Variants in NTM observed in about 807,000 individuals in gnomAD.
NTM encodes IgLON family member 2.
A neutral mutation model predicts 42.1 loss-of-function variants in NTM; 13 were observed. That is an observed-to-expected ratio of 0.31 (90% CI 0.20 to 0.49). The LOEUF is 0.49. Ranked by LOEUF, NTM falls within the 20% of genes least tolerant of loss-of-function variation. The pLI is 0.99. For missense variants in NTM, 373 were observed against 452.8 expected (o/e 0.82, Z 1.60); for synonymous variants, 187 against 179.2 (o/e 1.04, Z -0.35).
intron 1 of NTM, among the ~76,000 whole-genome samples, chr11:131,776,219 T>A (rs558926062): frequency 6.6e-6 from 1 of 152,360 alleles, no homozygotes; most frequent in East Asian, 1.9e-4. Flanking sequence ...CAAAGGCTTT[T>A]AAAGTCTTAT....
intron 2 of NTM, among the ~76,000 whole-genome samples, chr11:131,929,616 C>T (rs532608419): frequency 2.0e-5 from 3 of 152,226 alleles, no homozygotes; most frequent in South Asian, 2.1e-4. Context: ...CCCTGTGCCA[C>T]GTCCATTGTT....
At chr11:131,802,639 C>A (rs2092218305) in intron 1 of NTM, among the ~76,000 whole-genome samples, 1 of 152,186 alleles carries the variant, frequency 6.6e-6, no homozygotes. Flanking sequence ...AGCAGCTCTG[C>A]CCTTGTCTGT....
chr11:132,216,139 A>G (rs543480412), intron 4 of NTM, among the ~76,000 whole-genome samples: 1 of 152,354 alleles, frequency 6.6e-6, no homozygotes, highest in East Asian at 1.9e-4. Flanking sequence ...CCAATAGAAA[A>G]ACGTTCATGC....
Position 131,625,166 on chromosome 11 carries a change from C to T in NTM, c.82+254278C>T, listed in dbSNP as rs140674138. On this transcript the variant is annotated intron_variant, in intron 1 of 8. Transcript: ENST00000683400. ...GGAAACCACATCATTTAAAAAAATA[C>T]TCAAGCTCTATTTTAAGGGTGTAAA... 8.7e-3 allele frequency among the ~76,000 whole-genome samples: 1,331 copies of T among 152,256 alleles called. 6 individuals carry two copies. The highest frequency in any genetic ancestry group is 0.014 in the Non-Finnish European group (975 of 68,016).
At chr11:131,976,159 T>TTCCTTCCTTC (rs1565866210) in intron 2 of NTM, among the ~76,000 whole-genome samples, 18 of 43,008 alleles carry the variant, frequency 4.2e-4, no homozygotes, top group African/African-American at 1.4e-3. Context: ...TTCCTTCCTT[T>TTCCTTCCTTC]CTTCCTTCCT....
At chr11:131,973,135 C>A (rs2063797848) in intron 2 of NTM, among the ~76,000 whole-genome samples, 1 of 152,156 alleles carries the variant, frequency 6.6e-6, no homozygotes, top group African/African-American at 2.4e-5. Context: ...CTGCCTTTTT[C>A]CTCTGTTCCC....
intron 4 of NTM, among the ~76,000 whole-genome samples, chr11:132,257,421 T>C (rs1224329892): frequency 6.6e-6 from 1 of 152,144 alleles, no homozygotes; most frequent in Non-Finnish European, 1.5e-5. Context: ...AGTTACATGG[T>C]GCCACCAGAG....
chr11:132,321,370 C>T (rs1022039504), intron 7 of NTM, among the ~76,000 whole-genome samples: 47 of 152,004 alleles, frequency 3.1e-4, no homozygotes, highest in East Asian at 1.9e-3. Context: ...TCGAGAACTA[C>T]GTGAAGAATG....
chr11:131,953,632 T>G (rs2061256375), intron 2 of NTM, among the ~76,000 whole-genome samples: 1 of 152,224 alleles, frequency 6.6e-6, no homozygotes, highest in African/African-American at 2.4e-5. Context: ...TTGCTATTAC[T>G]GGCCTGGGCA....
At chr11:131,649,366 G>A (rs937943716) in intron 1 of NTM, among the ~76,000 whole-genome samples, 3 of 152,154 alleles carry the variant, frequency 2.0e-5, no homozygotes, top group Admixed American at 1.3e-4. Flanking sequence ...TATGCATATC[G>A]GGGAGGGAGT....
intron 1 of NTM, among the ~76,000 whole-genome samples, chr11:131,411,592 T>G (rs1025968850): frequency 7.2e-6 from 1 of 138,096 alleles, no homozygotes. Context: ...TGTGTGTACT[T>G]GAGAGCTGGG....
chr11:131,634,658 T>A (rs1011430379), intron 1 of NTM, among the ~76,000 whole-genome samples: 1 of 145,574 alleles, frequency 6.9e-6, no homozygotes, highest in Non-Finnish European at 1.5e-5. Context: ...GAAAAAAGAG[T>A]GAGCTTCTTT....
At chr11:131,989,895 A>G (rs758046278) in intron 2 of NTM, among the ~76,000 whole-genome samples, 26 of 152,236 alleles carry the variant, frequency 1.7e-4, no homozygotes, top group South Asian at 6.2e-4. Context: ...TGAGATTTCT[A>G]TTCCTTTTTC....
At chr11:131,838,962 C>CTTTT (rs552384739) in intron 1 of NTM, among the ~76,000 whole-genome samples, 3 of 137,096 alleles carry the variant, frequency 2.2e-5, no homozygotes, top group African/African-American at 8.1e-5. Flanking sequence ...AGTAAATAAT[C>CTTTT]TTTTTTTTTT....
At chr11:132,195,900 A>G (rs2080132447) in intron 3 of NTM, among the ~76,000 whole-genome samples, 1 of 152,192 alleles carries the variant, frequency 6.6e-6, no homozygotes, top group Non-Finnish European at 1.5e-5. Flanking sequence ...GCCTTGGCAA[A>G]TAATTTAGGA....
At chr11:132,090,400 G>A (rs2060242376) in intron 2 of NTM, among the ~76,000 whole-genome samples, 2 of 151,992 alleles carry the variant, frequency 1.3e-5, no homozygotes, top group African/African-American at 2.4e-5. Flanking sequence ...CAGACCTCCT[G>A]TACCCAGGGT....
intron 1 of NTM, among the ~76,000 whole-genome samples, chr11:131,445,870 C>G (rs1565508447): frequency 6.6e-6 from 1 of 152,186 alleles, no homozygotes; most frequent in Non-Finnish European, 1.5e-5. Flanking sequence ...TCTACTGGAG[C>G]ATAACGGTGC....
chr11:131,986,140 C>T (rs964578008), intron 2 of NTM, among the ~76,000 whole-genome samples: 3 of 152,184 alleles, frequency 2.0e-5, no homozygotes, highest in African/African-American at 7.2e-5. Flanking sequence ...CCTAGACTAT[C>T]TTTCAAAGAA....
At chr11:131,560,315 C>T (rs754400030) in intron 1 of NTM, among the ~76,000 whole-genome samples, 3 of 152,146 alleles carry the variant, frequency 2.0e-5, no homozygotes, top group Non-Finnish European at 2.9e-5. Flanking sequence ...GCTACCTGAA[C>T]GCAGATCCCC....
Sources: gnomAD v4.1 joint callset for allele counts (sites outside exome capture counted in the v4.1 genomes callset) on GRCh38, gnomAD v4.1.1 for gene constraint, MANE v1.5 for transcripts, NCBI Gene and HGNC (gene_info 2026-07-23, HGNC 2026-07-21) for gene names.